Variants in ACAA1 observed in about 807,000 individuals in gnomAD.
ACAA1 encodes the protein acetyl-CoA acyltransferase 1.
A neutral mutation model predicts 48.8 loss-of-function variants in ACAA1; 44 were observed. The ratio of observed to expected loss-of-function variants is 0.90; its 90% confidence interval spans 0.71 to 1.16. The LOEUF (loss-of-function observed/expected upper bound fraction) is 1.16. Ranked by LOEUF, ACAA1 falls within the 50% of genes most tolerant of loss-of-function variation. The probability of loss-of-function intolerance (pLI) is 0.00; values close to 1 mark genes in which losing one functional copy is unlikely to be tolerated. For missense variants in ACAA1, 512 were observed against 562.3 expected (o/e 0.91, Z 0.90); for synonymous variants, 233 against 226.5 (o/e 1.03, Z -0.26).
rs746345784 is a variant in ACAA1 at position 38,133,940 on chromosome 3, A to T, written c.323+12T>A. On this transcript the variant is annotated intron_variant, in intron 3 of 11. Coordinates refer to ENST00000333167, the MANE Select transcript of ACAA1 (RefSeq NM_001607.4). ...AAATGGCCAACCCATGGCTAGAACT[A>T]GAAAAGTTTACCTCAGAAACTGGGC... 2.3e-5 allele frequency: 37 copies of T among 1,614,164 alleles called. No homozygotes were observed. Among genetic ancestry groups the T allele is most frequent in the Non-Finnish European group, 2.9e-5 (34 of 1,180,000 alleles).
Position 38,125,701 on chromosome 3 carries a change from A to G in ACAA1, c.1063T>C (p.Cys355Arg), listed in dbSNP as rs867839524. The change falls in exon 11 of 12, where the codon TGT becomes CGT. Residue 355 changes from cysteine (C) to arginine (R), a missense_variant. Physicochemically the swap from Cys to Arg is radical, Grantham distance 180 (BLOSUM62 -3). Coordinates refer to ENST00000333167, the MANE Select transcript of ACAA1 (RefSeq NM_001607.4). ...NEAFASQAAY[C>R]VEKLRLPPEK... ...GGGGGGAGTCGTAGCTTCTCCACAC[A>G]GTAGGCAGCCTGGAAGGAGGCAGAT... 3.7e-6 allele frequency: 6 copies of G among 1,606,906 alleles called. No homozygotes were observed. The highest frequency in any genetic ancestry group is 1.7e-4 in the Middle Eastern group (1 of 6,022).
At chr3:38,134,727 C>T (rs559426647) in intron 2 of ACAA1, among the ~76,000 whole-genome samples, 7 of 152,286 alleles carry the variant, frequency 4.6e-5, no homozygotes, top group South Asian at 4.1e-4. Flanking sequence ...TAAAAGTCAT[C>T]GTCATTCTCC....
At position 38,129,109 on chromosome 3, in the gene ACAA1, T is replaced by A. The variant is rs115199007; in HGVS notation, c.545+181A>T. On this transcript the variant is annotated intron_variant, in intron 6 of 11. Transcript: ENST00000333167. The surrounding 1 kb of genome is among the most constrained non-coding windows in gnomAD (Gnocchi z 5.3). ...GGGGGCACAGAGAGGACCTGGGGCC[T>A]TCAGGAAATGGAAGTCAAGGGCAAC... Among the ~76,000 whole-genome samples the A allele has an allele frequency of 2.5e-3, 381 of 152,210 alleles. 3 individuals carry two copies. Among genetic ancestry groups the A allele is most frequent in the African/African-American group, 8.9e-3 (368 of 41,512 alleles).
In ACAA1 at chr3:38,126,270, C is replaced by T. The variant is rs1339760479; in HGVS notation, c.889G>A (p.Gly297Ser). 2.5e-6 allele frequency: 4 copies of T among 1,614,058 alleles called. No homozygotes were observed. The highest frequency in any genetic ancestry group is 2.5e-6 in the Non-Finnish European group (3 of 1,180,050). ...LARRSKAEELGLPILGVLRSY... is the reference protein window; with the variant it reads ...LARRSKAEELSLPILGVLRSY... The stretch of plus-strand genomic sequence containing the variant: ...CTCAGGACCCCAAGGATGGGAAGGC[C>T]CAACTCTTCTGCCTTGGACCTCCGG... The change falls in exon 9 of 12, where the codon GGC becomes AGC. Residue 297 changes from glycine to serine, a missense_variant. Gly to Ser is a moderately conservative substitution (Grantham distance 56). Transcript: ENST00000333167. The surrounding 1 kb of genome is among the most constrained non-coding windows in gnomAD (Gnocchi z 4.7).
chr3:38,126,012 G>T lies in ACAA1; in HGVS notation c.998-131C>A, dbSNP rs1384282761. On this transcript the variant is annotated intron_variant, in intron 9 of 11. Coordinates refer to ENST00000333167, the MANE Select transcript of ACAA1 (RefSeq NM_001607.4). This position sits in a 1 kb window ranked among gnomAD's most constrained non-coding sequence, Gnocchi z 4.7. Reference sequence around the variant, plus strand: ...AGGGTGAGCCAATCCCAGCTGTGGGGTCAGGAAGGGCTTGAAGTATGGGAC... The same window carrying T: ...AGGGTGAGCCAATCCCAGCTGTGGGTTCAGGAAGGGCTTGAAGTATGGGAC... 21 of 1,487,406 alleles carry T rather than the reference G, an allele frequency of 1.4e-5. No individual in the cohort carries two copies. The highest frequency in any genetic ancestry group is 1.9e-5 in the Non-Finnish European group (20 of 1,078,654). 92.1% of individuals were successfully genotyped at this position (1,487,406 alleles called of 1,614,324 possible).
At chr3:38,127,447 T>A (rs1442535188) in intron 7 of ACAA1, among the ~76,000 whole-genome samples, 1 of 152,110 alleles carries the variant, frequency 6.6e-6, no homozygotes, top group Non-Finnish European at 1.5e-5. Context: ...CCCAGCATGG[T>A]CCAGAAGCTA....
Position 38,136,718 on chromosome 3 carries a change from A to C in ACAA1, c.172-33T>G. 3 of 1,573,124 alleles carry C rather than the reference A, an allele frequency of 1.9e-6. 1 individual carries two copies. In the South Asian group the frequency reaches 3.5e-5, roughly 19 times the overall value. On this transcript the variant is annotated intron_variant, in intron 1 of 11. Transcript: ENST00000333167. ...AGAAAGAGCAGCCGCAGTGACCCCC[A>C]CTCCCCCATGCCCACCCCAGGGAGA...
At position 38,129,166 on chromosome 3, in the gene ACAA1, C is replaced by T; in HGVS notation, c.545+124G>A. 1 of 801,784 alleles carries T rather than the reference C, an allele frequency of 1.2e-6. No individual in the cohort carries two copies. The highest frequency in any genetic ancestry group is 2.0e-6 in the Non-Finnish European group (1 of 496,682). The allele number at this position is 801,784 out of a possible 1,614,324, so 49.7% of individuals were successfully genotyped here. On this transcript the variant is annotated intron_variant, in intron 6 of 11. Coordinates refer to ENST00000333167, the MANE Select transcript of ACAA1 (RefSeq NM_001607.4). This position sits in a 1 kb window ranked among gnomAD's most constrained non-coding sequence, Gnocchi z 5.3. ...TCTCATCCCCAAAGTCCCTGCGGAGCAGACCATGCCCAAAGGAAGGAGGCC... is the reference window on the plus strand; with the variant it reads ...TCTCATCCCCAAAGTCCCTGCGGAGTAGACCATGCCCAAAGGAAGGAGGCC...
rs967641295 is a variant in ACAA1 at position 38,129,105 on chromosome 3, G to A, written c.545+185C>T. On this transcript the variant is annotated intron_variant, in intron 6 of 11. Coordinates refer to ENST00000333167, the MANE Select transcript of ACAA1 (RefSeq NM_001607.4). The surrounding 1 kb of genome is among the most constrained non-coding windows in gnomAD (Gnocchi z 5.3). ...ACTCGGGGGCACAGAGAGGACCTGG[G>A]GCCTTCAGGAAATGGAAGTCAAGGG... Among the ~76,000 whole-genome samples, 2 of 152,116 alleles carry A rather than the reference G, an allele frequency of 1.3e-5. No individual in the cohort carries two copies. The highest frequency in any genetic ancestry group is 4.8e-5 in the African/African-American group (2 of 41,408).
intron 2 of ACAA1, chr3:38,134,517 T>C (rs890751721): frequency 2.6e-4 from 117 of 456,610 alleles, no homozygotes; most frequent in Admixed American, 2.0e-3. Flanking sequence ...ACCGTGTGTA[T>C]GTAGAAAAGG....
At position 38,136,674 on chromosome 3, in the gene ACAA1, G is replaced by C. The variant is rs1429813470; in HGVS notation, c.183C>G (p.Pro61=). 6.8e-6 allele frequency: 11 copies of C among 1,612,110 alleles called. No homozygotes were observed. In the Middle Eastern group the frequency reaches 4.9e-4, roughly 72 times the overall value. ...AGRGGFKDTT[P]DELLSAVMTA... Reference sequence around the variant, plus strand: ...TCATGACTGCCGAGAGAAGCTCGTCGGGGGTGGTGTCCTGCAGCAGAAAGA... The same window carrying C: ...TCATGACTGCCGAGAGAAGCTCGTCCGGGGTGGTGTCCTGCAGCAGAAAGA... Residue 61 remains proline (P), a synonymous_variant, in exon 2 of 12, where the codon CCC becomes CCG. Transcript: ENST00000333167.
chr3:38,135,789 C>CT (rs1484219794), intron 2 of ACAA1, among the ~76,000 whole-genome samples: 2 of 152,124 alleles, frequency 1.3e-5, no homozygotes, highest in Admixed American at 6.5e-5. Context: ...TCCTCTTTTA[C>CT]TAATACTCCT....
intron 2 of ACAA1, chr3:38,134,333 G>A (rs763196267): frequency 2.3e-6 from 1 of 438,192 alleles, no homozygotes; most frequent in Non-Finnish European, 4.2e-6. Context: ...CATCTCCCCA[G>A]GTATCCTCCT....
intron 11 of ACAA1, 118 bp from the exon 12 acceptor site, chr3:38,123,240 T>G: frequency 1.0e-6 from 1 of 959,918 alleles, no homozygotes; most frequent in South Asian, 1.4e-5. Flanking sequence ...ACCAGATCTG[T>G]GGGCAAGCGG....
chr3:38,128,088 C>T (rs1169022586), intron 6 of ACAA1, among the ~76,000 whole-genome samples: 1 of 152,146 alleles, frequency 6.6e-6, no homozygotes, highest in African/African-American at 2.4e-5. Flanking sequence ...CAATGCTGGC[C>T]AGATCCTGAG....
rs1700844293 is a variant in ACAA1 at position 38,134,274 on chromosome 3, G to A, written c.266-265C>T. Reference sequence around the variant, plus strand: ...CCAGCTTTTCCAAATCAGCACAGATGGGCAGGTTGTCTGCCCTTAAAAGTG... The same window carrying A: ...CCAGCTTTTCCAAATCAGCACAGATAGGCAGGTTGTCTGCCCTTAAAAGTG... On this transcript the variant is annotated intron_variant, in intron 2 of 11. Coordinates refer to ENST00000333167, the MANE Select transcript of ACAA1 (RefSeq NM_001607.4). The A allele has an allele frequency of 1.3e-5, 7 of 550,536 alleles. No individual in the cohort carries two copies. The Admixed American group carries it at 1.9e-4, about 15-fold the overall frequency. The allele number at this position is 550,536 out of a possible 1,614,324, so 34.1% of individuals were successfully genotyped here. A position where few individuals can be genotyped will look rare whatever the true frequency, so the allele number is the denominator to read the frequency against.
In ACAA1 at chr3:38,129,305, C is replaced by T; in HGVS notation, c.530G>A (p.Cys177Tyr). ...RLMEKEKARD[C>Y]LIPMGITSEN... ...GAGCACTCACCCCATAGGAATCAGGCAATCTCTGGCCTTCTCCTTCTCCAT... is the reference window on the plus strand; with the variant it reads ...GAGCACTCACCCCATAGGAATCAGGTAATCTCTGGCCTTCTCCTTCTCCAT... Residue 177 changes from cysteine (C) to tyrosine (Y), a missense_variant, in exon 6 of 12, where the codon TGC becomes TAC. Physicochemically the swap from Cys to Tyr is radical, Grantham distance 194 (BLOSUM62 -2). Transcript: ENST00000333167. The surrounding 1 kb of genome is among the most constrained non-coding windows in gnomAD (Gnocchi z 5.3). 2.5e-6 allele frequency: 4 copies of T among 1,614,054 alleles called. No homozygotes were observed. The highest frequency in any genetic ancestry group is 3.3e-4 in the Middle Eastern group (2 of 6,062).
At chr3:38,125,747 C>T (rs1213658116) in intron 10 of ACAA1, 37 bp from the exon 11 acceptor site, 17 of 1,613,858 alleles carry the variant, frequency 1.1e-5, no homozygotes, top group Non-Finnish European at 1.4e-5. Flanking sequence ...AGCCCTCTTA[C>T]CCCTCCCCTG....
rs1700925902 is a variant in ACAA1, at chr3:38,137,097, A to G, written c.-62T>C. On this transcript the variant is annotated 5_prime_UTR_variant, in exon 1 of 12. Transcript: ENST00000333167. The stretch of plus-strand genomic sequence containing the variant: ...GGAACTGACCGCGGAGTTAACAGAC[A>G]GCCGTCCGCACACGCGCAGAACCAC... 2.2e-6 allele frequency: 3 copies of G among 1,354,972 alleles called. No individual in the cohort carries two copies. The highest frequency in any genetic ancestry group is 3.0e-6 in the Non-Finnish European group (3 of 1,006,644). 83.9% of individuals were successfully genotyped at this position (1,354,972 alleles called of 1,614,324 possible).
Sources: gnomAD v4.1 joint callset for allele counts (sites outside exome capture counted in the v4.1 genomes callset) on GRCh38, gnomAD v4.1.1 for gene constraint, Gnocchi (gnomAD v3.1) non-coding constraint, MANE v1.5 for transcripts, NCBI Gene and HGNC (gene_info 2026-07-23, HGNC 2026-07-21) for gene names.